The following EPHX2 variants were observed in gnomAD, a reference collection of about 807,000 sequenced individuals.
The protein encoded by EPHX2 is epoxide hydrolase 2.
Under a neutral mutation model 78.7 loss-of-function variants are expected in EPHX2, and 74 were observed. That is an observed-to-expected ratio of 0.94 (90% CI 0.78 to 1.14). The LOEUF (loss-of-function observed/expected upper bound fraction) is 1.14. Ranked by LOEUF, EPHX2 falls within the 50% of genes most tolerant of loss-of-function variation. The probability of loss-of-function intolerance (pLI) is 0.00; values close to 1 mark genes in which losing one functional copy is unlikely to be tolerated. For missense variants in EPHX2, 715 were observed against 702.5 expected (o/e 1.02, Z -0.20); for synonymous variants, 251 against 255.2 (o/e 0.98, Z 0.16).
At chr8:27,538,619 C>T in intron 13 of EPHX2, 40 bp from the exon 14 acceptor site, 1 of 1,584,648 alleles carries the variant, frequency 6.3e-7, no homozygotes. Context: ...TTTGTATCAC[C>T]CATGACATCA....
chr8:27,532,127 G>C (rs1815065980), intron 12 of EPHX2, among the ~76,000 whole-genome samples: 1 of 152,076 alleles, frequency 6.6e-6, no homozygotes, highest in Admixed American at 6.5e-5. Flanking sequence ...TGGCACACCT[G>C]CTGCCTGTTG....
At chr8:27,492,564 G>A (rs1348597546) in intron 1 of EPHX2, among the ~76,000 whole-genome samples, 1 of 152,182 alleles carries the variant, frequency 6.6e-6, no homozygotes, top group Non-Finnish European at 1.5e-5. Context: ...CAGACCCAAA[G>A]AGTGAGTGAT....
intron 2 of EPHX2, 22 bp from the exon 3 acceptor site, chr8:27,503,582 T>A (rs2132720610): frequency 6.3e-7 from 1 of 1,592,280 alleles, no homozygotes; most frequent in Non-Finnish European, 8.6e-7. Context: ...ATACAAATTG[T>A]CCCCTCACTT....
intron 2 of EPHX2, among the ~76,000 whole-genome samples, chr8:27,501,324 T>TTTCTTCCTC (rs1378699940): frequency 3.9e-4 from 40 of 103,012 alleles, no homozygotes; most frequent in Middle Eastern, 5.0e-3. Context: ...TGCTATATAT[T>TTTCTTCCTC]TTCTTCTTCT....
At chr8:27,541,796 T>C (rs1815412622) in intron 16 of EPHX2, among the ~76,000 whole-genome samples, 2 of 152,028 alleles carry the variant, frequency 1.3e-5, no homozygotes, top group Admixed American at 1.3e-4. Context: ...AACTGCAGCA[T>C]CCATCCGGAA....
intron 10 of EPHX2, among the ~76,000 whole-genome samples, chr8:27,522,089 A>G (rs1814668555): frequency 6.6e-6 from 1 of 152,128 alleles, no homozygotes; most frequent in Non-Finnish European, 1.5e-5. Context: ...AAAGATGCAC[A>G]TGGAACATGA....
intron 1 of EPHX2, among the ~76,000 whole-genome samples, chr8:27,497,814 C>T (rs1198326567): frequency 6.6e-6 from 1 of 152,174 alleles, no homozygotes; most frequent in Non-Finnish European, 1.5e-5. Flanking sequence ...TCTCCTTAGT[C>T]CTTCTGGAAG....
At position 27,499,405 on chromosome 8, in the gene EPHX2, G is replaced by T. The variant is rs1419333462; in HGVS notation, c.102-1521G>T. Among the ~76,000 whole-genome samples the T allele has an allele frequency of 2.0e-5, 3 of 152,170 alleles. No homozygotes were observed. In the East Asian group the frequency reaches 5.8e-4, roughly 29 times the overall value. On this transcript the variant is annotated intron_variant, in intron 1 of 18. Coordinates refer to ENST00000521400, the MANE Select transcript of EPHX2 (RefSeq NM_001979.6). ...TGCTGACATTGAAAAGTTGAGCAAG[G>T]CCACAGATATTAGGTATATGTCTCC...
rs180849188 is a variant in EPHX2, at chr8:27,539,511, C to T, written c.1276+819C>T. On this transcript the variant is annotated intron_variant, in intron 14 of 18. Coordinates refer to ENST00000521400, the MANE Select transcript of EPHX2 (RefSeq NM_001979.6). ...GACCCTGCAGGCCATGCTCTTGTCA[C>T]TGCTCAAAGAACATCTTCCTTCCCT... Among the ~76,000 whole-genome samples, 13 of 152,332 alleles carry T rather than the reference C, an allele frequency of 8.5e-5. No homozygotes were observed. The East Asian group carries it at 2.5e-3, about 29-fold the overall frequency.
intron 1 of EPHX2, among the ~76,000 whole-genome samples, chr8:27,494,486 T>C (rs1164680010): frequency 6.6e-6 from 1 of 152,244 alleles, no homozygotes; most frequent in Non-Finnish European, 1.5e-5. Context: ...TAACCACTTC[T>C]TGAGCCTTCT....
chr8:27,534,572 A>G lies in EPHX2; in HGVS notation c.1171-2212A>G, dbSNP rs531278472. 8.5e-5 allele frequency among the ~76,000 whole-genome samples: 13 copies of G among 152,312 alleles called. No homozygotes were observed. The East Asian group carries it at 2.5e-3, about 29-fold the overall frequency. ...GAGGCTGAGGCAAGAGAATCTCTTG[A>G]ACCCATCTTGGCAGTGAGCTGAGAT... On this transcript the variant is annotated intron_variant, in intron 12 of 18. Coordinates refer to ENST00000521400, the MANE Select transcript of EPHX2 (RefSeq NM_001979.6).
intron 4 of EPHX2, 56 bp from the exon 5 acceptor site, chr8:27,506,816 T>C: frequency 6.3e-7 from 1 of 1,588,454 alleles, no homozygotes; most frequent in Non-Finnish European, 8.6e-7. Context: ...AAATAGCCCC[T>C]GTTTGCATTC....
intron 6 of EPHX2, 102 bp from the exon 7 acceptor site, chr8:27,515,616 A>G: frequency 1.1e-6 from 1 of 932,904 alleles, no homozygotes; most frequent in Admixed American, 2.1e-5. Flanking sequence ...TGCACAATCC[A>G]GCAACGGACT....
At chr8:27,494,181 T>C (rs147671536) in intron 1 of EPHX2, among the ~76,000 whole-genome samples, 2,026 of 152,236 alleles carry the variant, frequency 0.013, 38 homozygotes, top group African/African-American at 0.046. Context: ...CTTGAAGTTA[T>C]AGGGTGTAAT....
At chr8:27,526,825 C>T (rs1814861630) in intron 12 of EPHX2, among the ~76,000 whole-genome samples, 1 of 152,194 alleles carries the variant, frequency 6.6e-6, no homozygotes, top group Non-Finnish European at 1.5e-5. Flanking sequence ...TCATAGCTCA[C>T]TGCAGCCCCG....
intron 8 of EPHX2, 46 bp from the exon 9 acceptor site, chr8:27,517,992 T>C: frequency 6.7e-7 from 1 of 1,487,738 alleles, no homozygotes. Flanking sequence ...GTTGATATAT[T>C]TTAAGTAACG....
intron 12 of EPHX2, 88 bp from the exon 13 acceptor site, chr8:27,536,696 G>T: frequency 7.2e-7 from 1 of 1,383,340 alleles, no homozygotes; most frequent in Non-Finnish European, 1.0e-6. Flanking sequence ...CACAGGTAGG[G>T]TGCTTGTTGC....
intron 9 of EPHX2, 77 bp from the exon 10 acceptor site, chr8:27,520,806 C>A: frequency 6.4e-7 from 1 of 1,574,626 alleles, no homozygotes; most frequent in Non-Finnish European, 8.7e-7. Context: ...TTGGGGAGGA[C>A]GCAGTTCAGC....
chr8:27,537,955 A>G (rs1815265770), intron 13 of EPHX2, among the ~76,000 whole-genome samples: 1 of 151,992 alleles, frequency 6.6e-6, no homozygotes. Context: ...TGAGGAAATG[A>G]CCCCTTGAGT....
Sources: gnomAD v4.1 joint callset for allele counts (sites outside exome capture counted in the v4.1 genomes callset) on GRCh38, gnomAD v4.1.1 for gene constraint, MANE v1.5 for transcripts, NCBI Gene and HGNC (gene_info 2026-07-23, HGNC 2026-07-21) for gene names.